NKAIN2: variants seen among roughly 807,000 people sequenced by gnomAD.
NKAIN2 encodes sodium/potassium transporting ATPase interacting 2, also known as sodium/potassium-transporting ATPase subunit beta-1-interacting protein 2.
NKAIN2 carries 14 observed loss-of-function variants against 32.6 expected under a neutral mutation model. The observed-to-expected ratio is 0.43, with a 90% CI of 0.28 to 0.67. NKAIN2 has a LOEUF of 0.67. Among genes scored for constraint, NKAIN2 ranks in the 30% least tolerant of loss-of-function variants. NKAIN2 has a pLI of 0.17. For missense variants in NKAIN2, 198 were observed against 258.3 expected (o/e 0.77, Z 1.60); for synonymous variants, 80 against 87.2 (o/e 0.92, Z 0.46).
chr6:124,750,495 AGATGGATG>A lies in NKAIN2; in HGVS notation c.475-40800_475-40793del, dbSNP rs56937918. Among the ~76,000 whole-genome samples, 1,109 of 149,632 alleles carry A rather than the reference AGATGGATG, an allele frequency of 7.4e-3. 7 individuals are homozygous for A. The highest frequency in any genetic ancestry group is 0.02 in the South Asian group (96 of 4,716). On this transcript the variant is annotated intron_variant, in intron 4 of 6. Transcript: ENST00000368417. ...TAGTCATTCAAAAGTCTGGAGGAAG[AGATGGATG>A]GATGGATGGATGGATGGATGGATGG...
intron 1 of NKAIN2, among the ~76,000 whole-genome samples, chr6:123,982,409 G>C (rs573973197): frequency 1.3e-5 from 2 of 152,260 alleles, no homozygotes; most frequent in East Asian, 3.9e-4. Flanking sequence ...GTTAAGGAGA[G>C]ATTTAACTGC....
At chr6:124,693,441 A>G (rs1008363293) in intron 4 of NKAIN2, among the ~76,000 whole-genome samples, 9 of 152,210 alleles carry the variant, frequency 5.9e-5, no homozygotes, top group Non-Finnish European at 8.8e-5. Flanking sequence ...TCCGTTTCTC[A>G]GAACCATCGC....
intron 1 of NKAIN2, among the ~76,000 whole-genome samples, chr6:123,912,046 C>T (rs555693375): frequency 5.3e-5 from 8 of 151,494 alleles, no homozygotes; most frequent in African/African-American, 1.7e-4. Context: ...ATAATGGCAG[C>T]TCAATAAATC....
At chr6:124,550,452 T>C (rs1052113437) in intron 3 of NKAIN2, among the ~76,000 whole-genome samples, 2 of 152,154 alleles carry the variant, frequency 1.3e-5, no homozygotes, top group Non-Finnish European at 2.9e-5. Flanking sequence ...GCTCATCTTC[T>C]ATCTTCCCTG....
chr6:124,202,084 G>A (rs1301790575), intron 1 of NKAIN2, among the ~76,000 whole-genome samples: 2 of 151,722 alleles, frequency 1.3e-5, no homozygotes, highest in Non-Finnish European at 2.9e-5. Flanking sequence ...TATGACTACA[G>A]GAGTATTGAA....
chr6:124,243,879 A>AT (rs1473260786), intron 1 of NKAIN2, among the ~76,000 whole-genome samples: 4 of 152,088 alleles, frequency 2.6e-5, no homozygotes, highest in Non-Finnish European at 4.4e-5. Context: ...TTGTTCTCAA[A>AT]TTATTATTAA....
In NKAIN2 at chr6:124,735,149, G is replaced by C. The variant is rs557671543; in HGVS notation, c.475-56190G>C. On this transcript the variant is annotated intron_variant, in intron 4 of 6. Transcript: ENST00000368417. ...TAAAAATGGTAAGATGTGTAACTCA[G>C]GAATTTCATTTCTGCACAATATTCA... 3.9e-5 allele frequency among the ~76,000 whole-genome samples: 6 copies of C among 152,010 alleles called. No homozygotes were observed. In the South Asian group the frequency reaches 6.2e-4, roughly 16 times the overall value.
chr6:123,911,495 C>T (rs964193966), intron 1 of NKAIN2, among the ~76,000 whole-genome samples: 4 of 151,912 alleles, frequency 2.6e-5, no homozygotes, highest in Non-Finnish European at 4.4e-5. Flanking sequence ...GAAAATGGCA[C>T]CAAGCCATTC....
At chr6:124,500,873 A>G (rs1361739005) in intron 3 of NKAIN2, among the ~76,000 whole-genome samples, 2 of 152,150 alleles carry the variant, frequency 1.3e-5, no homozygotes, top group East Asian at 1.9e-4. Flanking sequence ...AGTTTAGACT[A>G]GAAGTCAGTC....
At chr6:123,809,502 C>G (rs1000501276) in intron 1 of NKAIN2, among the ~76,000 whole-genome samples, 2 of 152,040 alleles carry the variant, frequency 1.3e-5, no homozygotes, top group Non-Finnish European at 2.9e-5. Flanking sequence ...TTTTCTTTCT[C>G]CAGGTTATGG....
chr6:124,393,041 A>C (rs1773212502), intron 3 of NKAIN2, among the ~76,000 whole-genome samples: 1 of 152,130 alleles, frequency 6.6e-6, no homozygotes, highest in Admixed American at 6.6e-5. Flanking sequence ...TTTGATCTAC[A>C]TCCCTTTCCT....
At chr6:123,938,984 G>A (rs933440783) in intron 1 of NKAIN2, among the ~76,000 whole-genome samples, 1 of 151,890 alleles carries the variant, frequency 6.6e-6, no homozygotes, top group Non-Finnish European at 1.5e-5. Context: ...GCAAAGGGAG[G>A]TTTTAAGAAT....
At chr6:124,417,219 TC>T (rs1433297436) in intron 3 of NKAIN2, among the ~76,000 whole-genome samples, 2 of 152,092 alleles carry the variant, frequency 1.3e-5, no homozygotes, top group African/African-American at 4.8e-5. Flanking sequence ...TACGGACACA[TC>T]TGAAACAAAT....
chr6:124,717,468 A>T (rs1775805905), intron 4 of NKAIN2, among the ~76,000 whole-genome samples: 2 of 152,192 alleles, frequency 1.3e-5, no homozygotes, highest in African/African-American at 4.8e-5. Context: ...GGTCATATTC[A>T]TTCGTGTTGA....
rs145062219 is a variant in NKAIN2, at chr6:124,127,281, A to G, written c.55-155724A>G. ...ACACGAGCATGTGTGCAGACGTACA[A>G]ATGAGCTGGTATAGTCACGGTTCAG... On this transcript the variant is annotated intron_variant, in intron 1 of 6. Coordinates refer to ENST00000368417, the MANE Select transcript of NKAIN2 (RefSeq NM_001040214.3). Among the ~76,000 whole-genome samples the G allele has an allele frequency of 2.5e-4, 38 of 152,208 alleles. 1 individual carries two copies. In the East Asian group the frequency reaches 4.8e-3, roughly 19 times the overall value.
chr6:123,915,557 T>C (rs1171958430), intron 1 of NKAIN2, among the ~76,000 whole-genome samples: 1 of 152,198 alleles, frequency 6.6e-6, no homozygotes, highest in African/African-American at 2.4e-5. Flanking sequence ...CAACGTTGTT[T>C]CAAAGTCTAG....
chr6:124,616,276 C>T (rs1489992142), intron 3 of NKAIN2, among the ~76,000 whole-genome samples: 1 of 151,948 alleles, frequency 6.6e-6, no homozygotes, highest in East Asian at 1.9e-4. Flanking sequence ...TGCATTTCAC[C>T]TAAAGTTTAT....
In NKAIN2 at chr6:124,712,364, C is replaced by A; in HGVS notation, c.474+53978C>A. On this transcript the variant is annotated intron_variant, in intron 4 of 6. Coordinates refer to ENST00000368417, the MANE Select transcript of NKAIN2 (RefSeq NM_001040214.3). ...GCTCCGCCCAGTTGGAGCTTTCTGG[C>A]TGCTTTGTTTACCTAATCAAGCCTG... Among the ~76,000 whole-genome samples, 2 of 97,702 alleles carry A rather than the reference C, an allele frequency of 2.0e-5. 1 individual carries two copies. Among genetic ancestry groups the A allele is most frequent in the African/African-American group, 8.6e-5 (2 of 23,300 alleles). The allele number at this position is 97,702 out of a possible 152,430, so 64.1% of individuals were successfully genotyped here. A position where few individuals can be genotyped will look rare whatever the true frequency, so the allele number is the denominator to read the frequency against.
chr6:124,631,652 G>A (rs924053092), intron 3 of NKAIN2, among the ~76,000 whole-genome samples: 5 of 152,008 alleles, frequency 3.3e-5, no homozygotes, highest in East Asian at 1.9e-4. Context: ...CTGACTTACC[G>A]TCCAGATAAA....
Sources: allele counts gnomAD v4.1 joint callset (sites outside exome capture counted in the v4.1 genomes callset), GRCh38; gene constraint gnomAD v4.1.1; transcripts MANE v1.5; gene names NCBI Gene and HGNC (gene_info 2026-07-23, HGNC 2026-07-21).